ROBO2: variants seen among roughly 807,000 people sequenced by gnomAD.
ROBO2 encodes roundabout guidance receptor 2.
A neutral mutation model predicts 160.8 loss-of-function variants in ROBO2; 53 were observed. The ratio of observed to expected loss-of-function variants is 0.33; its 90% CI spans 0.26 to 0.41. The LOEUF (loss-of-function observed/expected upper bound fraction) is 0.41. ROBO2 is among the 10% of genes least tolerant of loss of function. ROBO2 has a pLI of 1.00. For missense variants in ROBO2, 1,577 were observed against 1,722.4 expected (o/e 0.92, Z 1.49); for synonymous variants, 664 against 611.7 (o/e 1.09, Z -1.26).
At chr3:77,433,232 A>G (rs1418043603) in intron 2 of ROBO2, among the ~76,000 whole-genome samples, 1 of 151,948 alleles carries the variant, frequency 6.6e-6, no homozygotes, top group Non-Finnish European at 1.5e-5. Context: ...AGATAAACAG[A>G]AATAAAGACA....
At chr3:76,798,088 A>T (rs560721321) in intron 2 of ROBO2, among the ~76,000 whole-genome samples, 1 of 150,990 alleles carries the variant, frequency 6.6e-6, no homozygotes, top group Non-Finnish European at 1.5e-5. Context: ...CCAAAAACAG[A>T]CAAAGACACA....
chr3:77,203,914 T>G (rs536168678), intron 2 of ROBO2, among the ~76,000 whole-genome samples: 1 of 152,192 alleles, frequency 6.6e-6, no homozygotes, highest in Non-Finnish European at 1.5e-5. Context: ...TTAATTATGA[T>G]GCAAAGTTGC....
At chr3:76,038,345 CTT>C (rs2067179656) in intron 2 of ROBO2, among the ~76,000 whole-genome samples, 1 of 151,878 alleles carries the variant, frequency 6.6e-6, no homozygotes, top group Non-Finnish European at 1.5e-5. Context: ...AACTTCAACA[CTT>C]TAAAATTAAG....
intron 4 of ROBO2, among the ~76,000 whole-genome samples, chr3:77,485,583 C>T (rs1454443311): frequency 6.6e-6 from 1 of 152,178 alleles, no homozygotes; most frequent in Non-Finnish European, 1.5e-5. Flanking sequence ...TCAAACAAAA[C>T]AATTCAATGA....
At chr3:77,224,886 T>G (rs1328981336) in intron 2 of ROBO2, among the ~76,000 whole-genome samples, 2 of 151,898 alleles carry the variant, frequency 1.3e-5, no homozygotes, top group Non-Finnish European at 3.0e-5. Context: ...ATGATAAGAC[T>G]GATGAATAAT....
intron 2 of ROBO2, among the ~76,000 whole-genome samples, chr3:76,342,779 T>C (rs2074307308): frequency 6.6e-6 from 1 of 152,098 alleles, no homozygotes; most frequent in Admixed American, 6.6e-5. Context: ...TGTACAGATT[T>C]ATATTAGAGG....
chr3:76,281,874 C>G (rs1222073576), intron 2 of ROBO2, among the ~76,000 whole-genome samples: 1 of 151,804 alleles, frequency 6.6e-6, no homozygotes, highest in Non-Finnish European at 1.5e-5. Flanking sequence ...TTAGGCTGAC[C>G]CAAAGATCCA....
chr3:76,197,557 G>C (rs1219690435), intron 2 of ROBO2, among the ~76,000 whole-genome samples: 1 of 152,036 alleles, frequency 6.6e-6, no homozygotes, highest in African/African-American at 2.4e-5. Flanking sequence ...TTTAGATTTG[G>C]ATCTGGGACT....
chr3:75,979,619 C>T (rs570255041), intron 2 of ROBO2, among the ~76,000 whole-genome samples: 1 of 151,522 alleles, frequency 6.6e-6, no homozygotes, highest in East Asian at 2.0e-4. Flanking sequence ...CATAAAAATG[C>T]CTTGTCTACT....
At chr3:77,289,117 G>C (rs907491242) in intron 2 of ROBO2, among the ~76,000 whole-genome samples, 4 of 152,136 alleles carry the variant, frequency 2.6e-5, no homozygotes. Flanking sequence ...GTACAGTCTA[G>C]TGGGTGAAGT....
rs191229882 is a variant in ROBO2, at chr3:77,580,859, T to G, written c.2500+741T>G. On this transcript the variant is annotated intron_variant, in intron 16 of 25. Transcript: ENST00000461745. ...GTTTGTGTCCTTTTGGAGAAATACC[T>G]AGGGTCTAATGTCTGGGTAAAAGAG... Among the ~76,000 whole-genome samples, 324 of 152,260 alleles carry G rather than the reference T, an allele frequency of 2.1e-3. 2 individuals are homozygous for G. The highest frequency in any genetic ancestry group is 7.5e-3 in the African/African-American group (311 of 41,582).
intron 2 of ROBO2, among the ~76,000 whole-genome samples, chr3:76,921,355 T>TA (rs1391630291): frequency 1.3e-5 from 2 of 152,202 alleles, no homozygotes; most frequent in African/African-American, 4.8e-5. Context: ...TTCACACCTG[T>TA]AATCCCAGCA....
intron 2 of ROBO2, among the ~76,000 whole-genome samples, chr3:76,733,753 T>C (rs535116592): frequency 4.1e-4 from 62 of 152,350 alleles, no homozygotes; most frequent in South Asian, 8.3e-4. Context: ...TATACTCATT[T>C]ATGTTTGTCC....
chr3:77,313,255 C>A (rs998088197), intron 2 of ROBO2, among the ~76,000 whole-genome samples: 11 of 152,090 alleles, frequency 7.2e-5, no homozygotes, highest in African/African-American at 2.4e-4. Context: ...TGATACATAA[C>A]AATTGTACAT....
intron 2 of ROBO2, among the ~76,000 whole-genome samples, chr3:76,950,390 A>G (rs779104925): frequency 6.6e-6 from 1 of 152,246 alleles, no homozygotes; most frequent in Non-Finnish European, 1.5e-5. Context: ...CTCAATTCAG[A>G]TGGAGTGACA....
intron 2 of ROBO2, among the ~76,000 whole-genome samples, chr3:76,764,722 C>G (rs1401780501): frequency 2.0e-5 from 3 of 151,520 alleles, no homozygotes; most frequent in Non-Finnish European, 3.0e-5. Flanking sequence ...TCAAAACTCC[C>G]TCCCAGATGC....
At chr3:76,413,627 C>G (rs1018770664) in intron 2 of ROBO2, among the ~76,000 whole-genome samples, 1 of 152,170 alleles carries the variant, frequency 6.6e-6, no homozygotes, top group Admixed American at 6.5e-5. Context: ...CACCTTCACT[C>G]CAGTTCTCAG....
At chr3:77,170,919 T>A (rs2079572123) in intron 2 of ROBO2, among the ~76,000 whole-genome samples, 1 of 152,082 alleles carries the variant, frequency 6.6e-6, no homozygotes, top group Non-Finnish European at 1.5e-5. Context: ...AAGTGCAAAA[T>A]ACAAGCAGAG....
chr3:77,625,523 G>A (rs59099229), intron 23 of ROBO2, among the ~76,000 whole-genome samples: 16,636 of 151,790 alleles, frequency 0.11, 1,303 homozygotes, highest in African/African-American at 0.22. Flanking sequence ...GACTACAGAC[G>A]CCCACCACCA....
Sources: allele counts gnomAD v4.1 joint callset (sites outside exome capture counted in the v4.1 genomes callset), GRCh38; gene constraint gnomAD v4.1.1; transcripts MANE v1.5; gene names NCBI Gene and HGNC (gene_info 2026-07-23, HGNC 2026-07-21).